Variants in BCR observed in about 807,000 individuals in gnomAD.
BCR encodes BCR activator of RhoGEF and GTPase, also known as breakpoint cluster region protein.
Under a neutral mutation model 138.6 loss-of-function variants are expected in BCR, and 58 were observed. The ratio of observed to expected loss-of-function variants is 0.42; its 90% CI spans 0.34 to 0.52. The LOEUF is 0.52. BCR is among the 20% of genes least tolerant of loss of function. The pLI, the probability that BCR is intolerant of heterozygous loss-of-function variation, is 0.06. For missense variants in BCR, 1,599 were observed against 1,727.2 expected (o/e 0.93, Z 1.32); for synonymous variants, 786 against 730.1 (o/e 1.08, Z -1.23).
chr22:23,217,647 A>T (rs1243567949), intron 1 of BCR, among the ~76,000 whole-genome samples: 1 of 152,220 alleles, frequency 6.6e-6, no homozygotes, highest in African/African-American at 2.4e-5. Context: ...GGGAACATGG[A>T]ATTGTCAATC....
chr22:23,277,582 G>A (rs2073592928), intron 8 of BCR, among the ~76,000 whole-genome samples: 1 of 152,204 alleles, frequency 6.6e-6, no homozygotes, highest in Admixed American at 6.5e-5. Flanking sequence ...GGCATTTGAT[G>A]TCAAGAGGAA....
At chr22:23,292,359 C>T (rs1036461789) in intron 14 of BCR, among the ~76,000 whole-genome samples, 182 bp from the exon 15 acceptor site, 3 of 152,186 alleles carry the variant, frequency 2.0e-5, no homozygotes, top group East Asian at 1.9e-4. Context: ...GCAGGGGCAT[C>T]GCATGAGGTG....
At chr22:23,268,651 T>TG (rs2073473822) in intron 5 of BCR, 136 bp downstream of exon 5, 1 of 818,448 alleles carries the variant, frequency 1.2e-6, no homozygotes, top group South Asian at 1.5e-5. Context: ...TTGGGTTCGT[T>TG]GCGTCAGCCC....
chr22:23,274,071 A>C (rs972813773), intron 8 of BCR, among the ~76,000 whole-genome samples: 1 of 151,684 alleles, frequency 6.6e-6, no homozygotes, highest in East Asian at 1.9e-4. Context: ...TTTATCCCCC[A>C]CAGTCTTGCC....
At chr22:23,221,524 T>G (rs2146232312) in intron 1 of BCR, among the ~76,000 whole-genome samples, 1 of 152,316 alleles carries the variant, frequency 6.6e-6, no homozygotes, top group African/African-American at 2.4e-5. Flanking sequence ...AGCAAAGGGC[T>G]GGGGGCTTCT....
chr22:23,275,148 C>A (rs527338218), intron 8 of BCR, among the ~76,000 whole-genome samples: 1 of 152,160 alleles, frequency 6.6e-6, no homozygotes, highest in Non-Finnish European at 1.5e-5. Flanking sequence ...GAGTCTAATC[C>A]GAGTTGACCT....
intron 8 of BCR, chr22:23,283,627 C>T (rs1424532743): frequency 5.0e-6 from 1 of 201,176 alleles, no homozygotes; most frequent in Non-Finnish European, 1.0e-5. Flanking sequence ...CCCCCCATCA[C>T]CCATCTTCAC....
intron 1 of BCR, among the ~76,000 whole-genome samples, chr22:23,190,410 C>T (rs946427717): frequency 1.3e-5 from 2 of 152,226 alleles, no homozygotes; most frequent in African/African-American, 4.8e-5. Flanking sequence ...TTAGGTGATC[C>T]GCCCTCCTCG....
intron 1 of BCR, among the ~76,000 whole-genome samples, chr22:23,186,384 G>T (rs1271452687): frequency 6.6e-6 from 1 of 152,136 alleles, no homozygotes; most frequent in East Asian, 1.9e-4. Context: ...TTGTTTCTTT[G>T]GGTAAGGCCA....
intron 1 of BCR, among the ~76,000 whole-genome samples, chr22:23,210,296 A>G (rs1468879625): frequency 6.6e-6 from 1 of 151,972 alleles, no homozygotes; most frequent in Non-Finnish European, 1.5e-5. Context: ...ATGGACCTAT[A>G]GTCCTGGCCG....
chr22:23,225,158 G>A (rs1242323471), intron 1 of BCR, among the ~76,000 whole-genome samples: 1 of 151,628 alleles, frequency 6.6e-6, no homozygotes, highest in Non-Finnish European at 1.5e-5. Flanking sequence ...TTTGAGACAG[G>A]AGAACCGGAA....
intron 1 of BCR, among the ~76,000 whole-genome samples, chr22:23,194,895 T>C (rs1324773129): frequency 6.6e-6 from 1 of 152,090 alleles, no homozygotes; most frequent in Non-Finnish European, 1.5e-5. Context: ...AAACTATGAT[T>C]GCACCACTGC....
intron 1 of BCR, among the ~76,000 whole-genome samples, chr22:23,202,512 C>T (rs543391721): frequency 3.9e-5 from 6 of 152,262 alleles, no homozygotes; most frequent in Admixed American, 3.9e-4. Context: ...CATTAAAGAA[C>T]AGTGCTTCTT....
rs554275932 is a variant in BCR at position 23,187,117 on chromosome 22, C to T, written c.1279+4878C>T. Among the ~76,000 whole-genome samples, 3 of 152,320 alleles carry T rather than the reference C, an allele frequency of 2.0e-5. No homozygotes were observed. The East Asian group carries it at 5.8e-4, about 29-fold the overall frequency. On this transcript the variant is annotated intron_variant, in intron 1 of 22. Transcript: ENST00000305877. ...CTGGTTCTGAGCTTTACACATAGCA[C>T]ATACTGGAAGAGCCCTTCCTCCTTT...
intron 20 of BCR, 55 bp from the exon 21 acceptor site, chr22:23,313,913 G>A (rs1162358079): frequency 4.2e-6 from 6 of 1,435,668 alleles, no homozygotes; most frequent in South Asian, 1.1e-5. Context: ...TGAACACCTC[G>A]GGAGAGGTCT....
At chr22:23,206,941 T>TCCTC (rs933721388) in intron 1 of BCR, among the ~76,000 whole-genome samples, 232 of 30,002 alleles carry the variant, frequency 7.7e-3, no homozygotes, top group South Asian at 0.017. Flanking sequence ...ATCCATTCAT[T>TCCTC]CCTCCCTCCC....
Position 23,295,164 on chromosome 22 carries a change from G to A in BCR, c.3012+9G>A, listed in dbSNP as rs1429544748. 1 of 1,593,870 alleles carries A rather than the reference G, an allele frequency of 6.3e-7. No individual in the cohort carries two copies. ...GGAAGGGCCAGGTCCAGGTGAGGCA[G>A]CCATCCCTACCCTCCCCTGCCCGAT... is the stretch of plus-strand genomic sequence containing the variant. On this transcript the variant is annotated intron_variant, in intron 16 of 22. Transcript: ENST00000305877.
intron 1 of BCR, among the ~76,000 whole-genome samples, chr22:23,206,434 G>A (rs190864304): frequency 3.3e-5 from 5 of 152,100 alleles, no homozygotes; most frequent in South Asian, 2.1e-4. Context: ...AAAAGTAGCC[G>A]GGCGTGGTGG....
intron 1 of BCR, among the ~76,000 whole-genome samples, chr22:23,199,703 T>C (rs543747023): frequency 1.3e-5 from 2 of 152,170 alleles, no homozygotes; most frequent in Non-Finnish European, 2.9e-5. Context: ...GGAAAATGGA[T>C]GTTTTCTTCT....
Sources: allele counts gnomAD v4.1 joint callset (sites outside exome capture counted in the v4.1 genomes callset), GRCh38; gene constraint gnomAD v4.1.1; transcripts MANE v1.5; gene names NCBI Gene and HGNC (gene_info 2026-07-23, HGNC 2026-07-21).